SEC14L5: variants seen among roughly 807,000 people sequenced by gnomAD.
SEC14L5 encodes the protein SEC14 like lipid binding 5.
A neutral mutation model predicts 84.6 loss-of-function variants in SEC14L5; 96 were observed. The observed-to-expected ratio is 1.13, with a 90% CI of 0.96 to 1.34. The LOEUF (loss-of-function observed/expected upper bound fraction) is 1.34. Ranked by LOEUF, SEC14L5 falls within the 40% of genes most tolerant of loss-of-function variation. The pLI is 0.00. For synonymous variants in SEC14L5, 546 were observed against 383.4 expected (o/e 1.42, Z -4.95); for missense variants, 1,224 against 942.5 (o/e 1.30, Z -3.91).
At chr16:4,980,288 C>T (rs1242554728) in intron 2 of SEC14L5, among the ~76,000 whole-genome samples, 2 of 152,214 alleles carry the variant, frequency 1.3e-5, no homozygotes, top group Admixed American at 6.5e-5. Context: ...AGCCTCAGCT[C>T]GAATGTCCCC....
At chr16:4,970,581 A>G (rs1288739344) in intron 2 of SEC14L5, among the ~76,000 whole-genome samples, 1 of 152,156 alleles carries the variant, frequency 6.6e-6, no homozygotes, top group Non-Finnish European at 1.5e-5. Context: ...GGCCTCGCTA[A>G]GTCATCCGCC....
intron 2 of SEC14L5, among the ~76,000 whole-genome samples, chr16:4,984,664 G>C (rs1596625256): frequency 6.6e-6 from 1 of 152,234 alleles, no homozygotes; most frequent in Non-Finnish European, 1.5e-5. Context: ...GGGTTTGGGG[G>C]CTTCAATTTC....
At chr16:5,007,607 T>TTTTTTTC in intron 13 of SEC14L5, 121 bp downstream of exon 13, 1 of 74,878 alleles carries the variant, frequency 1.3e-5, no homozygotes, top group African/African-American at 1.1e-4. Flanking sequence ...TCTTTCTTTC[T>TTTTTTTC]TTTTTTTTTT....
chr16:5,004,993 C>A (rs1054774820), intron 11 of SEC14L5, among the ~76,000 whole-genome samples: 9 of 152,214 alleles, frequency 5.9e-5, no homozygotes, highest in African/African-American at 1.9e-4. Flanking sequence ...AGTCCATGTA[C>A]TGTGTGATCT....
intron 2 of SEC14L5, among the ~76,000 whole-genome samples, chr16:4,964,281 T>A (rs1955165771): frequency 6.6e-6 from 1 of 152,076 alleles, no homozygotes; most frequent in Non-Finnish European, 1.5e-5. Flanking sequence ...TTTGTCTCTT[T>A]TCTCAAGTGG....
Position 4,987,588 on chromosome 16 carries a change from A to T in SEC14L5, c.95A>T (p.Gln32Leu). The stretch of plus-strand genomic sequence containing the variant: ...GAGAAGCGTTTCCCCACGTGCCCAC[A>T]GATCCCAGTCTTCCTGGGCAGCGAG... ...AYEKRFPTCP[Q>L]IPVFLGSEVL... The change falls in exon 3 of 16, where the codon CAG (glutamine) becomes CTG (leucine). Residue 32 changes from glutamine (Q) to leucine (L), a missense_variant. Coordinates refer to ENST00000251170, the MANE Select transcript of SEC14L5 (RefSeq NM_014692.2). The T allele has an allele frequency of 1.3e-6, 2 of 1,561,950 alleles. No homozygotes were observed. Among genetic ancestry groups the T allele is most frequent in the Non-Finnish European group, 1.7e-6 (2 of 1,154,236 alleles).
chr16:5,006,144 G>T (rs933947033), intron 12 of SEC14L5, 96 bp downstream of exon 12: 25 of 1,346,530 alleles, frequency 1.9e-5, no homozygotes, highest in Non-Finnish European at 2.3e-5. Context: ...GGAGGTGGAG[G>T]GGGGCTGGGT....
chr16:4,993,848 C>G (rs1353791621), intron 6 of SEC14L5, among the ~76,000 whole-genome samples: 1 of 151,904 alleles, frequency 6.6e-6, no homozygotes, highest in African/African-American at 2.4e-5. Context: ...CCACAAAAGT[C>G]TTAGTAAACA....
At chr16:4,969,892 A>T (rs1385772614) in intron 2 of SEC14L5, among the ~76,000 whole-genome samples, 2 of 148,862 alleles carry the variant, frequency 1.3e-5, no homozygotes, top group Non-Finnish European at 3.0e-5. Context: ...ATCACAGCTC[A>T]CTGCAGCCTC....
intron 7 of SEC14L5, 47 bp from the exon 8 acceptor site, chr16:4,996,808 G>A (rs906793891): frequency 3.4e-6 from 5 of 1,458,394 alleles, no homozygotes; most frequent in Admixed American, 1.9e-5. Context: ...TTATCTGCTG[G>A]GTCAGGGGAT....
chr16:4,999,565 A>T (rs769043889), intron 8 of SEC14L5, among the ~76,000 whole-genome samples: 55 of 152,008 alleles, frequency 3.6e-4, no homozygotes, highest in Non-Finnish European at 7.5e-4. Context: ...GGCTGCAGTG[A>T]GTCGAGATCA....
intron 14 of SEC14L5, 60 bp downstream of exon 14, chr16:5,008,708 C>A (rs1955764996): frequency 3.4e-6 from 5 of 1,451,504 alleles, no homozygotes; most frequent in Non-Finnish European, 4.8e-6. Flanking sequence ...CCACTGCGTG[C>A]CAGGCTTCTG....
chr16:5,015,038 G>C lies in SEC14L5; in HGVS notation c.*68G>C. ...CAGAAATGTCCAGAATGAGAAGCCA[G>C]CTAACTGCAGGGCCTGGGACCATGT... is the stretch of plus-strand genomic sequence containing the variant. On this transcript the variant is annotated 3_prime_UTR_variant, in exon 16 of 16. Coordinates refer to ENST00000251170, the MANE Select transcript of SEC14L5 (RefSeq NM_014692.2). The C allele has an allele frequency of 1.6e-6, 2 of 1,258,784 alleles. No individual in the cohort carries two copies. The highest frequency in any genetic ancestry group is 2.3e-5 in the East Asian group (1 of 43,144). The allele number at this position is 1,258,784 out of a possible 1,614,324, so 78.0% of individuals were successfully genotyped here.
intron 10 of SEC14L5, 99 bp downstream of exon 10, chr16:5,001,024 G>C (rs1226797195): frequency 1.1e-6 from 1 of 933,672 alleles, no homozygotes; most frequent in Admixed American, 2.1e-5. Context: ...CAGCGTGCCA[G>C]GGGCTTCATT....
chr16:4,968,423 C>T (rs1955233885), intron 2 of SEC14L5, among the ~76,000 whole-genome samples: 1 of 152,220 alleles, frequency 6.6e-6, no homozygotes, highest in African/African-American at 2.4e-5. Flanking sequence ...AGGTGATCCG[C>T]CTGCCCTGGC....
Position 4,977,666 on chromosome 16 carries a change from G to A in SEC14L5, c.64-9891G>A, listed in dbSNP as rs370089805. On this transcript the variant is annotated intron_variant, in intron 2 of 15. Transcript: ENST00000251170. ...TTGACATGGGTAGAGCCCAGGACCT[G>A]TGAAGGCCTCACAACCATCCTGCGA... 2.8e-4 allele frequency among the ~76,000 whole-genome samples: 43 copies of A among 152,000 alleles called. 1 individual carries two copies. The highest frequency in any genetic ancestry group is 7.9e-4 in the Admixed American group (12 of 15,250).
intron 3 of SEC14L5, 151 bp from the exon 4 acceptor site, chr16:4,987,998 G>T: frequency 1.2e-6 from 1 of 836,102 alleles, no homozygotes; most frequent in Non-Finnish European, 1.9e-6. Context: ...TCGGGGGTTG[G>T]TGTCCTGGGT....
At chr16:4,969,516 C>T (rs550107971) in intron 2 of SEC14L5, among the ~76,000 whole-genome samples, 14 of 152,054 alleles carry the variant, frequency 9.2e-5, no homozygotes, top group African/African-American at 2.9e-4. Context: ...CCCAAGTAGA[C>T]GGGATTACAG....
chr16:5,004,819 A>G (rs867062852), intron 11 of SEC14L5, among the ~76,000 whole-genome samples: 1 of 152,136 alleles, frequency 6.6e-6, no homozygotes, highest in Non-Finnish European at 1.5e-5. Context: ...TGTGGCTTAG[A>G]GCTCAGTGTT....
Sources: allele counts gnomAD v4.1 joint callset (sites outside exome capture counted in the v4.1 genomes callset), GRCh38; gene constraint gnomAD v4.1.1; transcripts MANE v1.5; gene names NCBI Gene and HGNC (gene_info 2026-07-23, HGNC 2026-07-21).